Variants in MELK observed in about 807,000 individuals in gnomAD.
MELK encodes maternal embryonic leucine zipper kinase, also known as pEg3 kinase.
In MELK, 81 loss-of-function variants were observed where a neutral mutation model predicts 85.0. The observed-to-expected ratio is 0.95, with a 90% CI of 0.80 to 1.15. MELK has a LOEUF of 1.15. MELK is among the 50% of genes most tolerant of loss of function. The pLI is 0.00. For missense variants in MELK, 754 were observed against 777.5 expected, an observed-to-expected ratio of 0.97 and a Z score of 0.36; for synonymous variants, 252 against 265.0, an observed-to-expected ratio of 0.95 and a Z score of 0.48.
chr9:36,643,598 T>C (rs1347163984), intron 11 of MELK, among the ~76,000 whole-genome samples: 2 of 152,012 alleles, frequency 1.3e-5, no homozygotes, highest in African/African-American at 4.8e-5. Context: ...GAACACTCCA[T>C]ACTTAAAACA....
At chr9:36,579,862 A>AT (rs1257771011) in intron 1 of MELK, among the ~76,000 whole-genome samples, 2 of 151,914 alleles carry the variant, frequency 1.3e-5, no homozygotes, top group Non-Finnish European at 1.5e-5. Context: ...GATCTACCTA[A>AT]TTTTTTTTAC....
chr9:36,616,066 C>G (rs971765697), intron 8 of MELK, among the ~76,000 whole-genome samples: 9 of 152,104 alleles, frequency 5.9e-5, no homozygotes, highest in Admixed American at 2.0e-4. Flanking sequence ...GCTTCCCGGG[C>G]GGCGCTCGCC....
chr9:36,651,753 A>G lies in MELK; in HGVS notation c.929A>G (p.Tyr310Cys). ...TMEDLISLWQ[Y>C]DHLTATYLLL... is the part of the protein sequence containing the mutation. Reference sequence around the variant, plus strand: ...GATTTTCTTTTCCTTTAGTGGCAGTATGATCACCTCACGGCTACCTATCTT... The same window carrying G: ...GATTTTCTTTTCCTTTAGTGGCAGTGTGATCACCTCACGGCTACCTATCTT... Residue 310 changes from tyrosine to cysteine, a missense_variant, in exon 12 of 18, where the codon TAT (tyrosine) becomes TGT (cysteine). Physicochemically the swap from Tyr to Cys is radical, Grantham distance 194. Coordinates refer to ENST00000298048, the MANE Select transcript of MELK (RefSeq NM_014791.4). 6.2e-7 allele frequency: 1 copy of G among 1,613,090 alleles called. No individual in the cohort carries two copies. Among genetic ancestry groups the G allele is most frequent in the Non-Finnish European group, 8.5e-7 (1 of 1,179,516 alleles).
intron 13 of MELK, among the ~76,000 whole-genome samples, chr9:36,663,883 T>G (rs2137774440): frequency 6.6e-6 from 1 of 152,374 alleles, no homozygotes; most frequent in Middle Eastern, 3.4e-3. Context: ...ATGTATTGAT[T>G]TCTTTTCCTT....
chr9:36,633,508 T>C (rs1307091865), intron 10 of MELK, among the ~76,000 whole-genome samples: 1 of 152,168 alleles, frequency 6.6e-6, no homozygotes, highest in Non-Finnish European at 1.5e-5. Flanking sequence ...GTTACTTAAC[T>C]TTGCAGAACC....
chr9:36,630,722 T>G (rs1204099484), intron 9 of MELK, among the ~76,000 whole-genome samples: 3 of 152,206 alleles, frequency 2.0e-5, no homozygotes, highest in Non-Finnish European at 4.4e-5. Flanking sequence ...GGCGTGATCT[T>G]GGCTCACTGC....
At chr9:36,597,658 G>A (rs756316824) in intron 6 of MELK, among the ~76,000 whole-genome samples, 21 of 152,138 alleles carry the variant, frequency 1.4e-4, no homozygotes, top group Non-Finnish European at 2.9e-4. Context: ...GATAAAAGTT[G>A]AGAATTTAGT....
chr9:36,644,227 G>C (rs1000714772), intron 11 of MELK, among the ~76,000 whole-genome samples: 1 of 145,424 alleles, frequency 6.9e-6, no homozygotes. Context: ...GTGTGTGTGT[G>C]TGTGTGTGTG....
At chr9:36,662,267 G>T (rs1449015883) in intron 13 of MELK, among the ~76,000 whole-genome samples, 2 of 145,952 alleles carry the variant, frequency 1.4e-5, no homozygotes, top group African/African-American at 5.1e-5. Flanking sequence ...TTTTAAGATG[G>T]AATCTTGCTC....
At chr9:36,649,930 A>G (rs532455225) in intron 11 of MELK, among the ~76,000 whole-genome samples, 52 of 151,244 alleles carry the variant, frequency 3.4e-4, no homozygotes, top group African/African-American at 1.2e-3. Context: ...ATTTAATTTA[A>G]TTTAATTAAA....
At chr9:36,591,148 TA>T (rs1347970357) in intron 4 of MELK, among the ~76,000 whole-genome samples, 1 of 152,156 alleles carries the variant, frequency 6.6e-6, no homozygotes, top group Non-Finnish European at 1.5e-5. Flanking sequence ...AGAGCTATTG[TA>T]TAGTAGTACA....
At chr9:36,672,697 C>G (rs1587640082) in intron 16 of MELK, among the ~76,000 whole-genome samples, 1 of 152,090 alleles carries the variant, frequency 6.6e-6, no homozygotes, top group African/African-American at 2.4e-5. Flanking sequence ...AATGCCTACC[C>G]TGGCAACCTC....
intron 3 of MELK, among the ~76,000 whole-genome samples, chr9:36,587,243 A>G (rs1052371753): frequency 2.6e-5 from 4 of 152,048 alleles, no homozygotes; most frequent in Non-Finnish European, 5.9e-5. Flanking sequence ...ATTCTTTGTC[A>G]AGACATGATA....
At chr9:36,666,376 C>G (rs1832335049) in intron 14 of MELK, among the ~76,000 whole-genome samples, 1 of 152,098 alleles carries the variant, frequency 6.6e-6, no homozygotes, top group Admixed American at 6.5e-5. Context: ...ATGGCATGGT[C>G]TGTAGTAGGG....
chr9:36,645,674 T>C (rs1830157347), intron 11 of MELK, among the ~76,000 whole-genome samples: 2 of 152,348 alleles, frequency 1.3e-5, no homozygotes, highest in African/African-American at 4.8e-5. Context: ...ACTTTAATTC[T>C]GATGTTTAGG....
At chr9:36,647,545 G>A (rs542699734) in intron 11 of MELK, among the ~76,000 whole-genome samples, 1 of 150,812 alleles carries the variant, frequency 6.6e-6, no homozygotes, top group East Asian at 2.0e-4. Context: ...CTGCAGTGCA[G>A]CGGCAGAATC....
intron 14 of MELK, among the ~76,000 whole-genome samples, chr9:36,667,763 C>T (rs1832523036): frequency 1.3e-5 from 2 of 151,792 alleles, no homozygotes; most frequent in Admixed American, 1.3e-4. Context: ...CTCCTCTTCT[C>T]TTCTCTTTTC....
chr9:36,654,442 G>A (rs1564211011), intron 12 of MELK, among the ~76,000 whole-genome samples: 1 of 129,392 alleles, frequency 7.7e-6, no homozygotes, highest in East Asian at 2.7e-4. Flanking sequence ...TGCAACCTCC[G>A]CCTCCTGGGT....
chr9:36,643,306 C>G (rs1190605430), intron 11 of MELK, among the ~76,000 whole-genome samples: 1 of 151,936 alleles, frequency 6.6e-6, no homozygotes, highest in Non-Finnish European at 1.5e-5. Flanking sequence ...TCACTTGAAC[C>G]CGGGAGGCAG....
Sources: allele counts gnomAD v4.1 joint callset (sites outside exome capture counted in the v4.1 genomes callset), GRCh38; gene constraint gnomAD v4.1.1; transcripts MANE v1.5; gene names NCBI Gene and HGNC (gene_info 2026-07-23, HGNC 2026-07-21).